OR2L13: variants seen among roughly 807,000 people sequenced by gnomAD.
OR2L13 encodes the protein olfactory receptor family 2 subfamily L member 13.
A neutral mutation model predicts 15.3 loss-of-function variants in OR2L13; 14 were observed. The ratio of observed to expected loss-of-function variants is 0.91; its 90% CI spans 0.60 to 1.43. The LOEUF is 1.43. Among genes scored for constraint, OR2L13 ranks in the 40% most tolerant of loss-of-function variants. OR2L13 has a pLI of 0.00. For missense variants in OR2L13, 367 were observed against 387.9 expected, an observed-to-expected ratio of 0.95 and a Z score of 0.45; for synonymous variants, 152 against 142.9, an observed-to-expected ratio of 1.06 and a Z score of -0.45.
At chr1:248,068,757 A>AC in the OR2L13 span, among the ~76,000 whole-genome samples, 1 of 152,196 alleles carries the variant, frequency 6.6e-6, no homozygotes, top group African/African-American at 2.4e-5. Flanking sequence ...AACTAGAATA[A>AC]CCAATACAGA....
the OR2L13 span, among the ~76,000 whole-genome samples, chr1:248,004,334 T>C: frequency 1.3e-5 from 2 of 152,238 alleles, no homozygotes; most frequent in Non-Finnish European, 2.9e-5. Flanking sequence ...TTTTTAGTTA[T>C]GCAGAAATGG....
the OR2L13 span, chr1:248,003,702 C>T: frequency 1.2e-6 from 2 of 1,613,138 alleles, no homozygotes; most frequent in South Asian, 1.1e-5. Flanking sequence ...TGCATGGACA[C>T]CTGGGTCTAT....
chr1:248,031,277 G>A, the OR2L13 span, among the ~76,000 whole-genome samples: 1 of 152,174 alleles, frequency 6.6e-6, no homozygotes, highest in African/African-American at 2.4e-5. Context: ...TAGAATTAGA[G>A]CCTTGGAACA....
the OR2L13 span, among the ~76,000 whole-genome samples, chr1:248,066,072 C>T: frequency 3.3e-5 from 5 of 152,226 alleles, no homozygotes; most frequent in Admixed American, 3.3e-4. Flanking sequence ...ATCTTTACAC[C>T]CCCATATACC....
chr1:247,957,472 A>G, the OR2L13 span, among the ~76,000 whole-genome samples: 2 of 152,162 alleles, frequency 1.3e-5, no homozygotes, highest in Non-Finnish European at 2.9e-5. Flanking sequence ...TGAGTTAAGG[A>G]GGATTCCCTC....
At chr1:247,949,500 T>C in the OR2L13 span, 3 of 1,613,778 alleles carry the variant, frequency 1.9e-6, no homozygotes, top group East Asian at 2.2e-5. Flanking sequence ...TGGTATTTCA[T>C]GTTCCTATGG....
chr1:247,982,632 G>A, the OR2L13 span, among the ~76,000 whole-genome samples: 1 of 152,164 alleles, frequency 6.6e-6, no homozygotes, highest in African/African-American at 2.4e-5. Flanking sequence ...AATTCTTCCA[G>A]TAGGGAAACT....
At chr1:248,052,247 A>C in the OR2L13 span, among the ~76,000 whole-genome samples, 1 of 152,186 alleles carries the variant, frequency 6.6e-6, no homozygotes, top group Admixed American at 6.5e-5. Flanking sequence ...GTAAATATCC[A>C]CTTTTCCAAA....
At chr1:248,067,273 A>T in the OR2L13 span, among the ~76,000 whole-genome samples, 1 of 152,132 alleles carries the variant, frequency 6.6e-6, no homozygotes, top group African/African-American at 2.4e-5. Flanking sequence ...CAACTGAAAC[A>T]CCTTTTCAGC....
the OR2L13 span, among the ~76,000 whole-genome samples, chr1:248,058,896 A>G: frequency 6.6e-6 from 1 of 151,942 alleles, no homozygotes; most frequent in Non-Finnish European, 1.5e-5. Context: ...ACCTTCTAAT[A>G]GATTTTTCTT....
chr1:248,056,120 C>G, the OR2L13 span, among the ~76,000 whole-genome samples: 1 of 151,972 alleles, frequency 6.6e-6, no homozygotes, highest in Non-Finnish European at 1.5e-5. Flanking sequence ...GGTGGTATTT[C>G]CCTTATTGTT....
the OR2L13 span, among the ~76,000 whole-genome samples, chr1:247,940,731 C>CGTGTGTGTGTGTGTGTGT: frequency 6.8e-6 from 1 of 147,076 alleles, no homozygotes; most frequent in Non-Finnish European, 1.5e-5. Flanking sequence ...TGCATACGTG[C>CGTGTGTGTGTGTGTGTGT]GTGTGTGTGT....
chr1:247,940,441 T>C, the OR2L13 span, among the ~76,000 whole-genome samples: 1 of 152,218 alleles, frequency 6.6e-6, no homozygotes, highest in African/African-American at 2.4e-5. Flanking sequence ...GTATATTTAA[T>C]AAATATCATA....
the OR2L13 span, among the ~76,000 whole-genome samples, chr1:247,981,653 T>G: frequency 6.6e-6 from 1 of 152,244 alleles, no homozygotes; most frequent in Non-Finnish European, 1.5e-5. Flanking sequence ...TGTATTATTC[T>G]ACAGTCATAG....
chr1:248,083,511 A>G, the OR2L13 span: 1 of 779,032 alleles, frequency 1.3e-6, no homozygotes, highest in Non-Finnish European at 2.1e-6. Flanking sequence ...CTTCATTCTT[A>G]AAAATATCTT....
upstream of OR2L13, among the ~76,000 whole-genome samples, chr1:248,092,753 C>T (rs1664628757): frequency 6.6e-6 from 1 of 152,128 alleles, no homozygotes; most frequent in Non-Finnish European, 1.5e-5. Context: ...TTCATTACAT[C>T]CTGGATTTTT....
the OR2L13 span, among the ~76,000 whole-genome samples, chr1:247,971,195 C>A: frequency 6.6e-6 from 1 of 151,996 alleles, no homozygotes; most frequent in African/African-American, 2.4e-5. Flanking sequence ...GTTTCACATA[C>A]CTGGAGACTG....
At chr1:248,047,518 G>C in the OR2L13 span, among the ~76,000 whole-genome samples, 1 of 152,144 alleles carries the variant, frequency 6.6e-6, no homozygotes, top group East Asian at 1.9e-4. Context: ...AATAATGAAG[G>C]TAACCGTATG....
the OR2L13 span, among the ~76,000 whole-genome samples, chr1:248,015,679 G>A: frequency 1.3e-5 from 2 of 152,140 alleles, no homozygotes; most frequent in Non-Finnish European, 2.9e-5. Flanking sequence ...ATCTGGTAAA[G>A]TGTGGCTTGG....
Sources: gnomAD v4.1 joint callset for allele counts (sites outside exome capture counted in the v4.1 genomes callset) on GRCh38, gnomAD v4.1.1 for gene constraint, MANE v1.5 for transcripts, NCBI Gene and HGNC (gene_info 2026-07-23, HGNC 2026-07-21) for gene names.